SIGLEC1: variants seen among roughly 807,000 people sequenced by gnomAD.
SIGLEC1 encodes sialic acid binding Ig like lectin 1.
Under a neutral mutation model 148.0 loss-of-function variants are expected in SIGLEC1, and 132 were observed. The observed-to-expected ratio is 0.89, with a 90% CI of 0.77 to 1.03. The LOEUF is 1.03. Among genes scored for constraint, SIGLEC1 ranks in the 50% least tolerant of loss-of-function variants. The pLI is 0.00. For missense variants in SIGLEC1, 2,253 were observed against 2,271.4 expected, an observed-to-expected ratio of 0.99 and a Z score of 0.16; for synonymous variants, 945 against 969.0, an observed-to-expected ratio of 0.98 and a Z score of 0.46.
At position 3,703,559 on chromosome 20, in the gene SIGLEC1, C is replaced by T. The variant is rs554380263; in HGVS notation, c.974-108G>A. 6.6e-6 allele frequency: 9 copies of T among 1,363,532 alleles called. No homozygotes were observed. The Admixed American group carries it at 1.2e-4, about 19-fold the overall frequency. The allele number at this position is 1,363,532 out of a possible 1,614,324, so 84.5% of individuals were successfully genotyped here. On this transcript the variant is annotated intron_variant, in intron 5 of 21. Coordinates refer to ENST00000344754, the MANE Select transcript of SIGLEC1 (RefSeq NM_023068.4). ...TCAGCCTCAATCTCTGCACATCCTA[C>T]ACCACCCGCCTGCTGCTACAGGGGA...
At chr20:3,706,934 C>A in intron 2 of SIGLEC1, 146 bp downstream of exon 2, 1 of 1,042,796 alleles carries the variant, frequency 9.6e-7, no homozygotes, top group Non-Finnish European at 1.4e-6. Context: ...ATGGCAGCTT[C>A]CTGCCCAGCT....
In SIGLEC1 at chr20:3,708,804, T is replaced by C. The variant is rs542403279; in HGVS notation, c.-109-1567A>G. On this transcript the variant is annotated intron_variant, in intron 1 of 21. Transcript: ENST00000344754. ...GGCTCACGCCTGTAATCCCAGCACTTTGGGAGGCTGAGGCATGCAGATCAC... is the reference window on the plus strand; with the variant it reads ...GGCTCACGCCTGTAATCCCAGCACTCTGGGAGGCTGAGGCATGCAGATCAC... Among the ~76,000 whole-genome samples the C allele has an allele frequency of 7.2e-5, 11 of 151,930 alleles. No homozygotes were observed. In the East Asian group the frequency reaches 2.1e-3, roughly 29 times the overall value.
intron 3 of SIGLEC1, 84 bp from the exon 4 acceptor site, chr20:3,706,124 G>A (rs1165363140): frequency 7.6e-6 from 11 of 1,442,830 alleles, no homozygotes; most frequent in Non-Finnish European, 9.4e-6. Context: ...TGAGGAGAGA[G>A]CCCTGGGGAG....
intron 4 of SIGLEC1, 83 bp downstream of exon 4, chr20:3,705,661 T>C: frequency 6.8e-7 from 1 of 1,460,114 alleles, no homozygotes; most frequent in Non-Finnish European, 9.3e-7. Flanking sequence ...AAGGGTTCCG[T>C]TTCTGTGGGC....
intron 1 of SIGLEC1, among the ~76,000 whole-genome samples, chr20:3,708,444 A>C (rs2087910824): frequency 6.6e-6 from 1 of 152,210 alleles, no homozygotes. Context: ...GCACGAAAAA[A>C]AAAAATAGGT....
chr20:3,694,151 C>A, intron 13 of SIGLEC1, 70 bp downstream of exon 13: 1 of 1,495,964 alleles, frequency 6.7e-7, no homozygotes, highest in Admixed American at 1.9e-5. Flanking sequence ...GAACCCTGTC[C>A]CACCTCCTCT....
Position 3,690,098 on chromosome 20 carries a change from G to A in SIGLEC1, c.4758C>T (p.His1586=), listed in dbSNP as rs753351695. Residue 1586 remains histidine (H), a synonymous_variant, in exon 19 of 22, where the codon CAC becomes CAT. Coordinates refer to ENST00000344754, the MANE Select transcript of SIGLEC1 (RefSeq NM_023068.4). ...SQPQGAPAEP[H]IHVLASPNAL... is the part of the protein sequence containing the mutation. Reference sequence around the variant, plus strand: ...CATTGGGGGAAGCCAGGACATGGATGTGTGGCTCTGCAGGAGCACCCTGGG... The same window carrying A: ...CATTGGGGGAAGCCAGGACATGGATATGTGGCTCTGCAGGAGCACCCTGGG... The A allele has an allele frequency of 6.2e-7, 1 of 1,611,300 alleles. No homozygotes were observed. The highest frequency in any genetic ancestry group is 8.5e-7 in the Non-Finnish European group (1 of 1,179,246).
intron 2 of SIGLEC1, 21 bp from the exon 3 acceptor site, chr20:3,706,727 G>A: frequency 6.6e-7 from 1 of 1,521,978 alleles, no homozygotes; most frequent in Non-Finnish European, 8.9e-7. Context: ...AACGGCAGGG[G>A]GACAGAGGGG....
chr20:3,706,084 C>G, intron 3 of SIGLEC1, 44 bp from the exon 4 acceptor site: 1 of 1,576,462 alleles, frequency 6.3e-7, no homozygotes, highest in Non-Finnish European at 8.7e-7. Flanking sequence ...TTTTGCCACC[C>G]CTGAGATCCC....
rs574198366 is a variant in SIGLEC1, at chr20:3,699,452, A to T, written c.1536T>A (p.Arg512=). ...CCTCGGCTGCCGGGCTGATGAGGAG[A>T]CGGGCGGCTGCGGGGAGAGGAAGAG... The part of the protein sequence containing the change: ...STLDFHANAA[R]LLISPAAEVV... The change falls in exon 8 of 22, where the codon CGT becomes CGA. Residue 512 remains arginine, a synonymous_variant. Transcript: ENST00000344754. 2.5e-6 allele frequency: 4 copies of T among 1,608,872 alleles called. No homozygotes were observed. The highest frequency in any genetic ancestry group is 2.7e-5 in the African/African-American group (2 of 74,914).
chr20:3,691,773 AC>A, intron 17 of SIGLEC1, 129 bp downstream of exon 17: 6 of 1,342,584 alleles, frequency 4.5e-6, no homozygotes, highest in Non-Finnish European at 6.1e-6. Flanking sequence ...TGCCCCCTCC[AC>A]CAGATTAGGC....
chr20:3,699,486 G>T (rs1209718856), intron 7 of SIGLEC1, 27 bp from the exon 8 acceptor site: 5 of 1,589,572 alleles, frequency 3.1e-6, no homozygotes, highest in Non-Finnish European at 4.3e-6. Flanking sequence ...AGGCTGGGAA[G>T]GGTCCCTCCT....
intron 4 of SIGLEC1, among the ~76,000 whole-genome samples, chr20:3,705,049 G>A (rs927851187): frequency 6.6e-6 from 1 of 152,192 alleles, no homozygotes; most frequent in Non-Finnish European, 1.5e-5. Context: ...CCAGGCTGGA[G>A]TGCAGTGGCA....
rs138029121 is a variant in SIGLEC1, at chr20:3,698,677, C to T, written c.1786+525G>A. On this transcript the variant is annotated intron_variant, in intron 8 of 21. Coordinates refer to ENST00000344754, the MANE Select transcript of SIGLEC1 (RefSeq NM_023068.4). ...GCCCCCATGTGATCTCACTCAGACA[C>T]CAGAAAACTTTGCAGAGGCAGCTGC... 3.7e-3 allele frequency among the ~76,000 whole-genome samples: 561 copies of T among 152,374 alleles called. 4 individuals are homozygous for T. Among genetic ancestry groups the T allele is most frequent in the African/African-American group, 0.013 (527 of 41,588 alleles).
chr20:3,706,824 C>A, intron 2 of SIGLEC1, 118 bp from the exon 3 acceptor site: 3 of 1,289,294 alleles, frequency 2.3e-6, no homozygotes, highest in Non-Finnish European at 3.1e-6. Flanking sequence ...TTCTGCCCTG[C>A]CCCGAGAAAT....
chr20:3,703,374 C>T lies in SIGLEC1; in HGVS notation c.1051G>A (p.Glu351Lys), dbSNP rs777002406. The change falls in exon 6 of 22, where the codon GAG becomes AAG. Residue 351 changes from glutamate (E) to lysine (K), a missense_variant. Coordinates refer to ENST00000344754, the MANE Select transcript of SIGLEC1 (RefSeq NM_023068.4). Reference sequence around the variant, plus strand: ...CTGTAGCGGAGATCACTGGGTGCCTCATTGGGTGTGTTGCAGACTAGTGTC... The same window carrying T: ...CTGTAGCGGAGATCACTGGGTGCCTTATTGGGTGTGTTGCAGACTAGTGTC... The part of the protein sequence containing the change: ...TVTLVCNTPN[E>K]APSDLRYSWY... 2.5e-6 allele frequency: 4 copies of T among 1,612,966 alleles called. No homozygotes were observed. Among genetic ancestry groups the T allele is most frequent in the Admixed American group, 1.7e-5 (1 of 59,926 alleles).
intron 13 of SIGLEC1, among the ~76,000 whole-genome samples, chr20:3,693,950 C>A (rs1476084442): frequency 6.6e-6 from 1 of 152,168 alleles, no homozygotes; most frequent in African/African-American, 2.4e-5. Flanking sequence ...TGGCTGGGGG[C>A]AAATGGGGAG....
rs773774852 is a variant in SIGLEC1, at chr20:3,703,996, A to G, written c.802T>C (p.Tyr268His). 1 of 1,612,998 alleles carries G rather than the reference A, an allele frequency of 6.2e-7. No individual in the cohort carries two copies. The highest frequency in any genetic ancestry group is 2.2e-5 in the East Asian group (1 of 44,840). The change falls in exon 5 of 22, where the codon TAC becomes CAC. Residue 268 changes from tyrosine to histidine, a missense_variant. Physicochemically the swap from Tyr to His is moderately conservative, Grantham distance 83. Coordinates refer to ENST00000344754, the MANE Select transcript of SIGLEC1 (RefSeq NM_023068.4). Reference sequence around the variant, plus strand: ...CACTTAATGGAACTGACTGCAGGGTAGCTGCTGTTCACCTGGCAGGTGAGT... The same window carrying G: ...CACTTAATGGAACTGACTGCAGGGTGGCTGCTGTTCACCTGGCAGGTGAGT... ...VTLTCQVNSS[Y>H]PAVSSIKWLK... is the part of the protein sequence containing the mutation.
At position 3,701,594 on chromosome 20, in the gene SIGLEC1, C is replaced by A; in HGVS notation, c.1276G>T (p.Gly426Ter). The A allele has an allele frequency of 1.3e-6, 2 of 1,592,972 alleles. No homozygotes were observed. Among genetic ancestry groups the A allele is most frequent in the South Asian group, 2.2e-5 (2 of 89,268 alleles). ...GAGCAGTGAAGGATGCCCACAAGTC[C>A]CGCCTGGGTCTCCAGGAAGGCTGTC... Reference protein sequence around the residue: ...VLTAFLETQAGLVGILHCSVV... With the variant: ...VLTAFLETQA The change falls in exon 7 of 22, where the codon GGA (glycine) becomes TGA (stop). Residue 426 changes from glycine (G) to a stop codon, truncating the protein, a stop_gained. Transcript: ENST00000344754. LOFTEE classifies it high-confidence loss of function.
Sources: gnomAD v4.1 joint callset for allele counts (sites outside exome capture counted in the v4.1 genomes callset) on GRCh38, gnomAD v4.1.1 for gene constraint, MANE v1.5 for transcripts, NCBI Gene and HGNC (gene_info 2026-07-23, HGNC 2026-07-21) for gene names.